CCNB3: variants seen among roughly 807,000 people sequenced by gnomAD.
The protein encoded by CCNB3 is G2/mitotic-specific cyclin-B3.
In CCNB3, 12 loss-of-function variants were observed where a neutral mutation model predicts 68.0. The ratio of observed to expected loss-of-function variants is 0.18; its 90% confidence interval spans 0.11 to 0.29. CCNB3 has a LOEUF of 0.29. CCNB3 is among the 10% of genes least tolerant of loss of function. The pLI, the probability that CCNB3 is intolerant of heterozygous loss-of-function variation, is 1.00. For missense variants in CCNB3, 904 were observed against 993.1 expected (o/e 0.91, Z 1.21); for synonymous variants, 354 against 388.9 (o/e 0.91, Z 1.06).
At chrX:50,210,846 A>C (rs1249333919) in intron 1 of CCNB3, among the ~76,000 whole-genome samples, 4 of 112,036 alleles carry the variant, frequency 3.6e-5, no homozygotes, top group Non-Finnish European at 7.5e-5. Context: ...TAGAAATATA[A>C]CGAGTCACGC....
intron 8 of CCNB3, among the ~76,000 whole-genome samples, chrX:50,330,311 T>C (rs782644125): frequency 8.9e-6 from 1 of 111,900 alleles, no homozygotes; most frequent in South Asian, 3.8e-4. Context: ...TATAACCGTT[T>C]AGGTCAGGGG....
chrX:50,312,413 A>G (rs1557215174), intron 6 of CCNB3, 124 bp from the exon 7 acceptor site: 1 of 566,501 alleles, frequency 1.8e-6, no homozygotes, highest in Non-Finnish European at 3.0e-6. Context: ...CCCAACATAT[A>G]CAAGGCTTGA....
chrX:50,308,286 A>AT (rs1312131750), intron 5 of CCNB3, among the ~76,000 whole-genome samples: 3 of 112,184 alleles, frequency 2.7e-5, no homozygotes, highest in Non-Finnish European at 5.6e-5. Flanking sequence ...CTATGGAAAA[A>AT]TTATAGAAAA....
chrX:50,332,516 G>A (rs929757877), intron 8 of CCNB3, among the ~76,000 whole-genome samples: 3 of 111,617 alleles, frequency 2.7e-5, no homozygotes, highest in Admixed American at 9.5e-5. Flanking sequence ...TGAGTCCCAC[G>A]ATGATCCTCC....
intron 8 of CCNB3, among the ~76,000 whole-genome samples, chrX:50,335,369 GGTTAGGAACT>G (rs1922796914): frequency 8.9e-6 from 1 of 112,091 alleles, no homozygotes; most frequent in Non-Finnish European, 1.9e-5. Context: ...AATGTGTAAA[GGTTAGGAACT>G]GTTGGGTGCA....
At chrX:50,307,167 T>A (rs926656454) in intron 5 of CCNB3, among the ~76,000 whole-genome samples, 11 of 111,924 alleles carry the variant, frequency 9.8e-5, no homozygotes, top group African/African-American at 3.6e-4. Context: ...TCTTCTTGAG[T>A]CAGTTTTGGT....
intron 5 of CCNB3, among the ~76,000 whole-genome samples, chrX:50,305,325 A>G (rs1449377836): frequency 8.9e-6 from 1 of 112,181 alleles, no homozygotes; most frequent in African/African-American, 3.2e-5. Context: ...CTATGCAGCC[A>G]TAAAAAATGA....
At chrX:50,317,168 C>A (rs940903998) in intron 8 of CCNB3, among the ~76,000 whole-genome samples, 7 of 112,076 alleles carry the variant, frequency 6.2e-5, no homozygotes, top group African/African-American at 2.3e-4. Flanking sequence ...ATTTTTATTT[C>A]CTTAAGGGTT....
intron 8 of CCNB3, among the ~76,000 whole-genome samples, chrX:50,318,290 G>A (rs996933809): frequency 3.7e-5 from 4 of 109,409 alleles, no homozygotes; most frequent in Non-Finnish European, 5.7e-5. Flanking sequence ...GAGGTGGGTG[G>A]ATCATGAGGT....
chrX:50,216,049 A>G (rs1482179423), intron 1 of CCNB3, among the ~76,000 whole-genome samples: 6 of 103,090 alleles, frequency 5.8e-5, no homozygotes, highest in Admixed American at 1.1e-4. Context: ...CCCGGGTTCA[A>G]GTGATTCTCC....
In CCNB3 at chrX:50,217,917, C is replaced by G. The variant is rs1029229902; in HGVS notation, c.-113+12967C>G. 6.3e-5 allele frequency among the ~76,000 whole-genome samples: 7 copies of G among 111,819 alleles called. No individual in the cohort carries two copies. The South Asian group carries it at 2.6e-3, about 42-fold the overall frequency. ...GAAATTTTCGGTCTTATTTCTGAAA[C>G]TAAGCATTTTTGTAGTAAAGATTAA... On this transcript the variant is annotated intron_variant, in intron 1 of 12. Transcript: ENST00000376042.
At chrX:50,333,454 G>A (rs951672970) in intron 8 of CCNB3, among the ~76,000 whole-genome samples, 2 of 111,782 alleles carry the variant, frequency 1.8e-5, no homozygotes, top group African/African-American at 6.5e-5. Flanking sequence ...GCCTTGCCTC[G>A]CATTGTGCTG....
At chrX:50,206,194 G>C (rs1935359274) in intron 1 of CCNB3, among the ~76,000 whole-genome samples, 1 of 110,890 alleles carries the variant, frequency 9.0e-6, no homozygotes, top group Middle Eastern at 4.6e-3. Flanking sequence ...AGTGAGCCGG[G>C]ATGGCGCCAC....
chrX:50,279,968 A>T (rs1434275658), intron 1 of CCNB3, among the ~76,000 whole-genome samples: 1 of 84,555 alleles, frequency 1.2e-5, no homozygotes, highest in Non-Finnish European at 2.1e-5. Context: ...ATGAGTATAT[A>T]TATAATATAT....
chrX:50,328,308 C>T (rs781859247), intron 8 of CCNB3, among the ~76,000 whole-genome samples: 6 of 112,482 alleles, frequency 5.3e-5, no homozygotes, highest in Non-Finnish European at 1.1e-4. Context: ...GTTTAATTGG[C>T]TCACAGTTCT....
chrX:50,320,264 C>G (rs1372857431), intron 8 of CCNB3, among the ~76,000 whole-genome samples: 2 of 111,141 alleles, frequency 1.8e-5, no homozygotes, highest in African/African-American at 6.5e-5. Flanking sequence ...GAGAGTTTTT[C>G]CCAAAAGGTT....
In CCNB3 at chrX:50,283,594, G is replaced by C. The variant is rs767869969; in HGVS notation, c.-112-948G>C. On this transcript the variant is annotated intron_variant, in intron 1 of 12. Transcript: ENST00000376042. ...TTCCCCTCAAGCTGCAGACTTTTCTGTTTCCTTTTCTTACCAGCCTGGCCC... is the reference window on the plus strand; with the variant it reads ...TTCCCCTCAAGCTGCAGACTTTTCTCTTTCCTTTTCTTACCAGCCTGGCCC... Among the ~76,000 whole-genome samples the C allele has an allele frequency of 1.2e-4, 13 of 111,299 alleles. No individual in the cohort carries two copies. The East Asian group carries it at 3.7e-3, about 31-fold the overall frequency.
At chrX:50,344,093 T>G (rs1458841062) in intron 9 of CCNB3, among the ~76,000 whole-genome samples, 1 of 112,365 alleles carries the variant, frequency 8.9e-6, no homozygotes, top group African/African-American at 3.2e-5. Flanking sequence ...TTTTTCTGTT[T>G]AGATAGCCTA....
At chrX:50,304,967 A>T (rs1158556405) in intron 5 of CCNB3, among the ~76,000 whole-genome samples, 2 of 112,011 alleles carry the variant, frequency 1.8e-5, no homozygotes, top group Non-Finnish European at 3.8e-5. Context: ...ACCATCTCAC[A>T]CCAGTTAGAA....
Sources: gnomAD v4.1 joint callset for allele counts (sites outside exome capture counted in the v4.1 genomes callset) on GRCh38, gnomAD v4.1.1 for gene constraint, MANE v1.5 for transcripts, NCBI Gene and HGNC (gene_info 2026-07-23, HGNC 2026-07-21) for gene names.